RORA: variants seen among roughly 807,000 people sequenced by gnomAD.
RORA encodes RAR related orphan receptor A.
In RORA, 7 loss-of-function variants were observed where a neutral mutation model predicts 69.5. The ratio of observed to expected loss-of-function variants is 0.10; its 90% CI spans 0.06 to 0.19. The LOEUF (loss-of-function observed/expected upper bound fraction) is 0.19, where lower values mean the gene tolerates loss of function less well. RORA is among the 10% of genes least tolerant of loss of function. RORA has a pLI of 1.00. For synonymous variants in RORA, 261 were observed against 240.8 expected (o/e 1.08, Z -0.78); for missense variants, 457 against 663.0 (o/e 0.69, Z 3.41).
At chr15:60,716,915 C>A (rs2071228454) in intron 1 of RORA, among the ~76,000 whole-genome samples, 1 of 152,164 alleles carries the variant, frequency 6.6e-6, no homozygotes, top group Non-Finnish European at 1.5e-5. Context: ...TTTGCAATAT[C>A]CTCTATAATA....
intron 2 of RORA, among the ~76,000 whole-genome samples, chr15:60,625,781 G>A (rs1004110770): frequency 7.2e-5 from 11 of 152,236 alleles, no homozygotes; most frequent in East Asian, 3.9e-4. Flanking sequence ...ATGGATTTTC[G>A]GAAGGCTGCA....
intron 1 of RORA, among the ~76,000 whole-genome samples, chr15:60,857,145 AAAT>A (rs1398778461): frequency 2.6e-5 from 4 of 152,182 alleles, no homozygotes; most frequent in African/African-American, 4.8e-5. Context: ...CCAGCCAGAA[AAAT>A]AATGAGAGAC....
Position 60,493,778 on chromosome 15 carries a change from G to T in RORA, c.*3677C>A, listed in dbSNP as rs932567954. 1 of 151,552 alleles carries T rather than the reference G, an allele frequency of 6.6e-6. No homozygotes were observed. The highest frequency in any genetic ancestry group is 2.4e-5 in the African/African-American group (1 of 41,208). The allele number at this position is 151,552 out of a possible 1,614,324, so 9.4% of individuals were successfully genotyped here. A position where few individuals can be genotyped will look rare whatever the true frequency, so the allele number is the denominator to read the frequency against. On this transcript the variant is annotated 3_prime_UTR_variant, in exon 11 of 11. Transcript: ENST00000335670. ...AGTGCCATCAAATATTTATAGAAGG[G>T]TTAAAAAAATAGAAGTCTCTCTAAA...
intron 2 of RORA, among the ~76,000 whole-genome samples, chr15:60,563,706 G>A (rs904545872): frequency 2.0e-5 from 3 of 151,900 alleles, no homozygotes; most frequent in African/African-American, 4.8e-5. Flanking sequence ...CTTAGGAAAC[G>A]GGCTCCCCAG....
At chr15:60,724,559 C>G (rs1176330254) in intron 1 of RORA, among the ~76,000 whole-genome samples, 1 of 152,108 alleles carries the variant, frequency 6.6e-6, no homozygotes, top group Non-Finnish European at 1.5e-5. Context: ...GTAGCTTTCC[C>G]TATTGTTTGA....
At position 61,058,415 on chromosome 15, in the gene RORA, T is replaced by A. The variant is rs185668064; in HGVS notation, c.166+170638A>T. Among the ~76,000 whole-genome samples, 44 of 152,220 alleles carry A rather than the reference T, an allele frequency of 2.9e-4. No individual in the cohort carries two copies. In the Middle Eastern group the frequency reaches 0.014, roughly 47 times the overall value. ...AGGGAACATTAATCTTACTACAGGGTCCTGGATAACTTTGAAGGAAGTCAG... is the reference window on the plus strand; with the variant it reads ...AGGGAACATTAATCTTACTACAGGGACCTGGATAACTTTGAAGGAAGTCAG... On this transcript the variant is annotated intron_variant, in intron 1 of 10. Transcript: ENST00000335670.
rs1455093531 is a variant in RORA, at chr15:61,194,453, C to T, written c.166+34600G>A. Among the ~76,000 whole-genome samples, 5 of 150,814 alleles carry T rather than the reference C, an allele frequency of 3.3e-5. No individual in the cohort carries two copies. The South Asian group carries it at 1.1e-3, about 32-fold the overall frequency. On this transcript the variant is annotated intron_variant, in intron 1 of 10. Transcript: ENST00000335670. ...TGGTGCATGCCTGTAATCCCAGCTA[C>T]TCGGGAGGCTGAGGCAGGAGAATCG...
At chr15:60,719,199 A>G (rs972981765) in intron 1 of RORA, among the ~76,000 whole-genome samples, 34 of 152,326 alleles carry the variant, frequency 2.2e-4, no homozygotes, top group African/African-American at 7.9e-4. Context: ...TGATCATGGC[A>G]TTATAGTTAT....
At chr15:60,948,057 A>C (rs984265630) in intron 1 of RORA, among the ~76,000 whole-genome samples, 3 of 152,224 alleles carry the variant, frequency 2.0e-5, no homozygotes, top group Non-Finnish European at 2.9e-5. Context: ...GCAGCTTCTG[A>C]AGATGTTACT....
At chr15:61,085,005 G>A (rs571510223) in intron 1 of RORA, among the ~76,000 whole-genome samples, 13 of 151,996 alleles carry the variant, frequency 8.6e-5, no homozygotes, top group African/African-American at 2.4e-4. Context: ...ACATGATAAC[G>A]GGGGAGCCCA....
intron 1 of RORA, among the ~76,000 whole-genome samples, chr15:60,947,030 C>G (rs1360792737): frequency 1.7e-5 from 2 of 117,740 alleles, no homozygotes; most frequent in African/African-American, 2.7e-5. Context: ...GGGCCAGCCC[C>G]CGCCCGGCCA....
At chr15:61,040,596 G>A (rs1896712817) in intron 1 of RORA, among the ~76,000 whole-genome samples, 1 of 151,800 alleles carries the variant, frequency 6.6e-6, no homozygotes, top group Admixed American at 6.6e-5. Context: ...AGCATGTGAT[G>A]TGTACACTAG....
chr15:60,806,064 C>T (rs2072656011), intron 1 of RORA, among the ~76,000 whole-genome samples: 1 of 152,212 alleles, frequency 6.6e-6, no homozygotes, highest in South Asian at 2.1e-4. Flanking sequence ...CTTGGCCAAT[C>T]TGACTGCATC....
At chr15:61,150,176 T>C (rs2079385823) in intron 1 of RORA, among the ~76,000 whole-genome samples, 1 of 152,226 alleles carries the variant, frequency 6.6e-6, no homozygotes, top group Non-Finnish European at 1.5e-5. Flanking sequence ...TGTGTAACAA[T>C]AAGCCACACA....
intron 1 of RORA, among the ~76,000 whole-genome samples, chr15:60,895,622 G>A (rs12592999): frequency 0.29 from 44,584 of 151,976 alleles, 6,773 homozygotes; most frequent in South Asian, 0.42. Context: ...CTTAGGCTGA[G>A]GCTTTTTATT....
At chr15:61,150,659 G>A (rs2079389453) in intron 1 of RORA, among the ~76,000 whole-genome samples, 1 of 152,148 alleles carries the variant, frequency 6.6e-6, no homozygotes, top group Non-Finnish European at 1.5e-5. Flanking sequence ...AGGCATAGAT[G>A]ACTAAACTCA....
At chr15:60,519,758 T>C (rs1455476820) in intron 3 of RORA, among the ~76,000 whole-genome samples, 2 of 152,170 alleles carry the variant, frequency 1.3e-5, no homozygotes, top group African/African-American at 2.4e-5. Context: ...CCATCATTTT[T>C]CCTCATTTCT....
At chr15:60,824,715 T>C (rs1187882636) in intron 1 of RORA, among the ~76,000 whole-genome samples, 38 of 152,188 alleles carry the variant, frequency 2.5e-4, no homozygotes, top group Admixed American at 2.4e-3. Flanking sequence ...TTAAGTGAGG[T>C]GATTTTTGTA....
chr15:60,571,765 G>A (rs2067888072), intron 2 of RORA, among the ~76,000 whole-genome samples: 1 of 152,152 alleles, frequency 6.6e-6, no homozygotes, highest in Admixed American at 6.5e-5. Flanking sequence ...AGCTAGCTAT[G>A]GGACTGTTGT....
Sources: allele counts gnomAD v4.1 joint callset (sites outside exome capture counted in the v4.1 genomes callset), GRCh38; gene constraint gnomAD v4.1.1; transcripts MANE v1.5; gene names NCBI Gene and HGNC (gene_info 2026-07-23, HGNC 2026-07-21).